The following TMEM177 variants were observed in gnomAD, a reference collection of about 807,000 sequenced individuals.
The protein encoded by TMEM177 is transmembrane protein 177.
TMEM177 carries 4 observed loss-of-function variants against 14.2 expected under a neutral mutation model. The ratio of observed to expected loss-of-function variants is 0.28; its 90% CI spans 0.14 to 0.64. The LOEUF is 0.64. TMEM177 is among the 30% of genes least tolerant of loss of function. The pLI is 0.82. For synonymous variants in TMEM177, 179 were observed against 174.5 expected (o/e 1.03, Z -0.20); for missense variants, 344 against 405.2 (o/e 0.85, Z 1.30).
At chr2:119,703,126 A>G in the TMEM177 span, among the ~76,000 whole-genome samples, 1 of 152,234 alleles carries the variant, frequency 6.6e-6, no homozygotes, top group African/African-American at 2.4e-5. Flanking sequence ...TCGCTTTACT[A>G]GCCTGCTAGG....
the TMEM177 span, among the ~76,000 whole-genome samples, chr2:119,712,325 G>A: frequency 3.2e-3 from 483 of 152,248 alleles, 1 homozygote; most frequent in Middle Eastern, 6.8e-3. Context: ...CTTGGTGATT[G>A]TGATGGGTTG....
At chr2:119,700,249 T>C in the TMEM177 span, 4,135 of 156,248 alleles carry the variant, frequency 0.026, 57 homozygotes, top group Non-Finnish European at 0.032. Flanking sequence ...GTACTTGGGG[T>C]ATGGATCGTG....
downstream of TMEM177, among the ~76,000 whole-genome samples, chr2:119,689,632 G>A (rs1689065709): frequency 6.6e-6 from 1 of 152,206 alleles, no homozygotes; most frequent in South Asian, 2.1e-4. Flanking sequence ...ACCAGCCAGT[G>A]CTGGGCTTGG....
chr2:119,686,930 C>G (rs971912366), downstream of TMEM177, among the ~76,000 whole-genome samples: 2 of 152,168 alleles, frequency 1.3e-5, no homozygotes, highest in African/African-American at 2.4e-5. Flanking sequence ...AAAATTGATA[C>G]AAGCATATGC....
downstream of TMEM177, among the ~76,000 whole-genome samples, chr2:119,683,543 C>T (rs1367830768): frequency 6.6e-6 from 1 of 152,186 alleles, no homozygotes; most frequent in Admixed American, 6.5e-5. Flanking sequence ...CCCATCTGCT[C>T]TCAGTACTGC....
At chr2:119,708,451 G>T in the TMEM177 span, among the ~76,000 whole-genome samples, 2 of 152,100 alleles carry the variant, frequency 1.3e-5, no homozygotes, top group Admixed American at 1.3e-4. Flanking sequence ...CTAACAACAT[G>T]AGCAAAACTT....
the TMEM177 span, among the ~76,000 whole-genome samples, chr2:119,714,469 C>T: frequency 1.3e-5 from 2 of 152,216 alleles, no homozygotes; most frequent in Admixed American, 6.5e-5. Flanking sequence ...GAGACATGAG[C>T]TCATGAATCC....
At chr2:119,712,260 G>A in the TMEM177 span, among the ~76,000 whole-genome samples, 1 of 152,026 alleles carries the variant, frequency 6.6e-6, no homozygotes, top group Non-Finnish European at 1.5e-5. Flanking sequence ...CCTGCCGCGT[G>A]GCTCTGCGGT....
rs759245839 is a variant in TMEM177, at chr2:119,681,782, G to T, written c.929G>T (p.Arg310Leu). Residue 310 changes from arginine to leucine, a missense_variant, in exon 2 of 2, where the codon CGC (arginine) becomes CTC (leucine). Arg to Leu is a moderately radical substitution (Grantham distance 102). Transcript: ENST00000272521. Reference sequence around the variant, plus strand: ...TGGAGGGGGATGCTCAATCCGGGCCGCTCCTGATGGGCTCATCACAAGGAC... The same window carrying T: ...TGGAGGGGGATGCTCAATCCGGGCCTCTCCTGATGGGCTCATCACAAGGAC... ...QMWRGMLNPGRS is the reference protein window; with the variant it reads ...QMWRGMLNPGLS The T allele has an allele frequency of 1.9e-6, 3 of 1,611,416 alleles. No homozygotes were observed. The highest frequency in any genetic ancestry group is 2.2e-5 in the East Asian group (1 of 44,850).
the TMEM177 span, among the ~76,000 whole-genome samples, chr2:119,699,498 A>G: frequency 0.027 from 4,042 of 152,196 alleles, 58 homozygotes; most frequent in Non-Finnish European, 0.033. Flanking sequence ...ACAGGGTTCC[A>G]TTGTCTTGTT....
At chr2:119,709,160 T>C in the TMEM177 span, among the ~76,000 whole-genome samples, 1 of 152,206 alleles carries the variant, frequency 6.6e-6, no homozygotes, top group Admixed American at 6.5e-5. Flanking sequence ...CGCGTCTCTT[T>C]CCATTTTTCT....
downstream of TMEM177, among the ~76,000 whole-genome samples, chr2:119,690,810 T>G (rs1219784428): frequency 6.6e-6 from 1 of 152,224 alleles, no homozygotes; most frequent in Non-Finnish European, 1.5e-5. Context: ...CCCATCCGCA[T>G]CAGGTGGACA....
downstream of TMEM177, among the ~76,000 whole-genome samples, chr2:119,685,208 G>C (rs1310967108): frequency 1.8e-3 from 23 of 12,536 alleles, no homozygotes; most frequent in African/African-American, 2.5e-3. Context: ...CCCCTCCTCA[G>C]CCCGCCCCCC....
chr2:119,680,507 G>A (rs1367651400), intron 1 of TMEM177, among the ~76,000 whole-genome samples: 2 of 152,126 alleles, frequency 1.3e-5, no homozygotes, highest in African/African-American at 2.4e-5. Context: ...CGTGCCCAGC[G>A]ATGGGAATAA....
rs1469126708 is a variant in TMEM177 at position 119,680,911 on chromosome 2, TTGG to T, written c.62_64del (p.Val21del). 6.2e-7 allele frequency: 1 copy of T among 1,614,260 alleles called. No individual in the cohort carries two copies. Among genetic ancestry groups the T allele is most frequent in the Middle Eastern group, 1.6e-4 (1 of 6,062 alleles). ...TGTGCAGAGACACAGGACAGGCCTC[TTGG>T]TGGGTTCCTGTGCAGGCCTGTTTGG... is the stretch of plus-strand genomic sequence containing the variant. On this transcript the variant is annotated inframe_deletion, in exon 2 of 2. Coordinates refer to ENST00000272521, the MANE Select transcript of TMEM177 (RefSeq NM_030577.3).
the TMEM177 span, among the ~76,000 whole-genome samples, chr2:119,710,320 CCCT>C: frequency 2.0e-5 from 3 of 152,202 alleles, no homozygotes; most frequent in African/African-American, 7.2e-5. Flanking sequence ...TTTGGCTTTC[CCCT>C]CCTCAGTCAA....
Position 119,682,059 on chromosome 2 carries a change from G to T in TMEM177, c.*270G>T. 1 of 419,642 alleles carries T rather than the reference G, an allele frequency of 2.4e-6. No individual in the cohort carries two copies. The highest frequency in any genetic ancestry group is 4.4e-6 in the Non-Finnish European group (1 of 227,152). The allele number at this position is 419,642 out of a possible 1,614,324, so 26.0% of individuals were successfully genotyped here. On this transcript the variant is annotated 3_prime_UTR_variant, in exon 2 of 2. Transcript: ENST00000272521. The stretch of plus-strand genomic sequence containing the variant: ...TTGCAAGATTGTAGAGTTGGGTAAG[G>T]TCATGAACATAAGGGCCTGGCACAA...
At chr2:119,685,186 A>C, downstream of TMEM177, among the ~76,000 whole-genome samples, 1 of 147,816 alleles carries the variant, frequency 6.8e-6, no homozygotes, top group Non-Finnish European at 1.5e-5. Context: ...AAACTACAAC[A>C]CACAAAGACT....
chr2:119,697,430 G>A, the TMEM177 span, among the ~76,000 whole-genome samples: 1 of 152,162 alleles, frequency 6.6e-6, no homozygotes, highest in African/African-American at 2.4e-5. Flanking sequence ...GCTTGGTGGT[G>A]TGTGCCTGCT....
Sources: gnomAD v4.1 joint callset for allele counts (sites outside exome capture counted in the v4.1 genomes callset) on GRCh38, gnomAD v4.1.1 for gene constraint, MANE v1.5 for transcripts, NCBI Gene and HGNC (gene_info 2026-07-23, HGNC 2026-07-21) for gene names.